CERS3: variants seen among roughly 807,000 people sequenced by gnomAD.
The protein encoded by CERS3 is ceramide synthase 3, also known as LAG1 homolog, ceramide synthase 3.
A neutral mutation model predicts 50.3 loss-of-function variants in CERS3; 33 were observed. The observed-to-expected ratio is 0.66, with a 90% CI of 0.50 to 0.88. The LOEUF is 0.88. Among genes scored for constraint, CERS3 ranks in the 40% least tolerant of loss-of-function variants. The pLI, the probability that CERS3 is intolerant of heterozygous loss-of-function variation, is 0.00. For synonymous variants in CERS3, 176 were observed against 155.2 expected, an observed-to-expected ratio of 1.13 and a Z score of -0.99; for missense variants, 470 against 460.3, an observed-to-expected ratio of 1.02 and a Z score of -0.19.
chr15:100,437,402 C>T (rs1296322922), intron 11 of CERS3, among the ~76,000 whole-genome samples: 1 of 152,118 alleles, frequency 6.6e-6, no homozygotes, highest in African/African-American at 2.4e-5. Flanking sequence ...TGTGTTCTTC[C>T]CTAACATGTT....
chr15:100,426,092 A>G (rs1193529024), intron 11 of CERS3: 1 of 152,348 alleles, frequency 6.6e-6, no homozygotes, highest in Non-Finnish European at 1.5e-5. Context: ...CTGTGAGTCA[A>G]TTAAACCTAT....
intron 11 of CERS3, among the ~76,000 whole-genome samples, chr15:100,444,807 C>T (rs897303992): frequency 3.9e-5 from 6 of 152,178 alleles, no homozygotes; most frequent in South Asian, 2.1e-4. Context: ...TAGGTAGAGG[C>T]CTTTCCCACA....
At chr15:100,543,645 T>C (rs945430470) in intron 1 of CERS3, among the ~76,000 whole-genome samples, 1 of 152,000 alleles carries the variant, frequency 6.6e-6, no homozygotes, top group Non-Finnish European at 1.5e-5. Context: ...TTCTCCTGCC[T>C]CAGCCTCCCC....
In CERS3 at chr15:100,402,760, G is replaced by A. The variant is rs756000187; in HGVS notation, c.1105C>T (p.Leu369Phe). The A allele has an allele frequency of 6.2e-7, 1 of 1,614,172 alleles. No individual in the cohort carries two copies. Among genetic ancestry groups the A allele is most frequent in the Non-Finnish European group, 8.5e-7 (1 of 1,180,024 alleles). The change falls in exon 12 of 12, where the codon CTC becomes TTC. Residue 369 changes from leucine to phenylalanine, a missense_variant. Transcript: ENST00000679737. The stretch of plus-strand genomic sequence containing the variant: ...GGAATGAGGTGCCTCTCAGCCCTGA[G>A]GCCGTTCTTTAAACAATCCATCTCT... ...GKEMDCLKNG[L>F]RAERHLIPNG...
chr15:100,490,774 G>C (rs745374188), intron 4 of CERS3, 43 bp downstream of exon 4: 3 of 1,225,816 alleles, frequency 2.4e-6, no homozygotes, highest in Non-Finnish European at 2.4e-6. Context: ...GAACCATTAA[G>C]AAAGAAGATT....
At chr15:100,446,173 T>G (rs1376877786) in intron 11 of CERS3, among the ~76,000 whole-genome samples, 1 of 152,246 alleles carries the variant, frequency 6.6e-6, no homozygotes, top group Non-Finnish European at 1.5e-5. Flanking sequence ...AAAGCCTGTT[T>G]GGTGGTCTCT....
chr15:100,405,654 A>G (rs2030967476), intron 11 of CERS3, among the ~76,000 whole-genome samples: 1 of 152,240 alleles, frequency 6.6e-6, no homozygotes, highest in Non-Finnish European at 1.5e-5. Flanking sequence ...ATAAAACTAT[A>G]GGGATGGATA....
chr15:100,522,513 G>A (rs1403157266), intron 1 of CERS3, among the ~76,000 whole-genome samples: 5 of 152,168 alleles, frequency 3.3e-5, no homozygotes, highest in African/African-American at 1.2e-4. Flanking sequence ...CACCACCATG[G>A]ATCCGTGTTG....
intron 11 of CERS3, among the ~76,000 whole-genome samples, chr15:100,449,696 A>C (rs537021021): frequency 6.6e-6 from 1 of 152,338 alleles, no homozygotes; most frequent in East Asian, 1.9e-4. Context: ...AATCACAACC[A>C]AAGTTCCCTA....
intron 11 of CERS3, among the ~76,000 whole-genome samples, chr15:100,451,624 G>A (rs551577119): frequency 7.2e-5 from 11 of 152,192 alleles, no homozygotes; most frequent in East Asian, 3.9e-4. Flanking sequence ...GGAGAATGGC[G>A]TGAACCTGGG....
chr15:100,411,544 T>G (rs1410201446), intron 11 of CERS3, among the ~76,000 whole-genome samples: 1 of 152,214 alleles, frequency 6.6e-6, no homozygotes, highest in Admixed American at 6.5e-5. Context: ...CTCTCAATGG[T>G]CGCTGGATTG....
intron 11 of CERS3, among the ~76,000 whole-genome samples, chr15:100,410,338 C>T (rs1162258173): frequency 1.3e-5 from 2 of 152,198 alleles, no homozygotes; most frequent in African/African-American, 2.4e-5. Context: ...ATCAGCTTGG[C>T]ACTCCAGCAG....
intron 11 of CERS3, among the ~76,000 whole-genome samples, chr15:100,419,628 C>T (rs1390915413): frequency 1.3e-5 from 2 of 150,550 alleles, no homozygotes; most frequent in African/African-American, 2.5e-5. Flanking sequence ...ACAGAATATA[C>T]ATTTTTTTCA....
chr15:100,406,149 T>C (rs1243130215), intron 11 of CERS3, among the ~76,000 whole-genome samples: 2 of 152,184 alleles, frequency 1.3e-5, no homozygotes. Flanking sequence ...AGATAAAGGA[T>C]GATATGAATT....
rs1182009846 is a variant in CERS3 at position 100,543,771 on chromosome 15, T to C, written c.-355+880A>G. 3.9e-5 allele frequency among the ~76,000 whole-genome samples: 6 copies of C among 152,108 alleles called. No homozygotes were observed. In the East Asian group the frequency reaches 5.8e-4, roughly 15 times the overall value. ...TTTCAAACTCTTGACCTCTGGTGAT[T>C]CGCCCACCTTGGCCTCTCAAAGTGC... On this transcript the variant is annotated intron_variant, in intron 1 of 12. Coordinates refer to the CERS3 transcript ENST00000284382.
intron 1 of CERS3, among the ~76,000 whole-genome samples, chr15:100,524,220 A>G (rs1055236630): frequency 4.6e-5 from 7 of 152,228 alleles, no homozygotes; most frequent in African/African-American, 9.6e-5. Flanking sequence ...AACAATACCT[A>G]TAAGTATTGT....
At chr15:100,519,115 C>T (rs1293297109) in intron 2 of CERS3, among the ~76,000 whole-genome samples, 3 of 151,528 alleles carry the variant, frequency 2.0e-5, no homozygotes, top group African/African-American at 7.3e-5. Flanking sequence ...GCTGAGATCG[C>T]GTCACTGTAC....
At chr15:100,446,788 A>G (rs755406510) in intron 11 of CERS3, among the ~76,000 whole-genome samples, 17 of 152,188 alleles carry the variant, frequency 1.1e-4, no homozygotes, top group Non-Finnish European at 2.4e-4. Context: ...GGACATTCCA[A>G]TGTAAACCTG....
chr15:100,519,002 A>G (rs1451153569), intron 2 of CERS3, among the ~76,000 whole-genome samples: 1 of 152,190 alleles, frequency 6.6e-6, no homozygotes, highest in Non-Finnish European at 1.5e-5. Flanking sequence ...TCTACTAAAA[A>G]TACAAAATTA....
Sources: allele counts gnomAD v4.1 joint callset (sites outside exome capture counted in the v4.1 genomes callset), GRCh38; gene constraint gnomAD v4.1.1; transcripts MANE v1.5; gene names NCBI Gene and HGNC (gene_info 2026-07-23, HGNC 2026-07-21).